The following DLG2 variants were observed in gnomAD, a reference collection of about 807,000 sequenced individuals.
DLG2 encodes the protein discs large MAGUK scaffold protein 2, also known as disks large homolog 2.
DLG2 carries 45 observed loss-of-function variants against 132.5 expected under a neutral mutation model. The ratio of observed to expected loss-of-function variants is 0.34; its 90% CI spans 0.27 to 0.44. The LOEUF (loss-of-function observed/expected upper bound fraction) is 0.44, where lower values mean the gene tolerates loss of function less well. Ranked by LOEUF, DLG2 falls within the 20% of genes least tolerant of loss-of-function variation. The pLI is 1.00. For missense variants in DLG2, 1,045 were observed against 1,196.9 expected (o/e 0.87, Z 1.87); for synonymous variants, 424 against 419.6 (o/e 1.01, Z -0.13).
chr11:84,060,514 C>G (rs1012523939), intron 10 of DLG2, among the ~76,000 whole-genome samples: 1 of 141,326 alleles, frequency 7.1e-6, no homozygotes, highest in Admixed American at 7.6e-5. Context: ...AGAACCACAA[C>G]AAATTCTACA....
At chr11:84,313,680 A>AGAAAGAAAGAAG (rs2098325243) in intron 7 of DLG2, among the ~76,000 whole-genome samples, 2 of 151,680 alleles carry the variant, frequency 1.3e-5, no homozygotes, top group Non-Finnish European at 2.9e-5. Context: ...AAAGAAAGAA[A>AGAAAGAAAGAAG]GAAAGAAAAA....
At position 84,151,559 on chromosome 11, in the gene DLG2, C is replaced by G. The variant is rs184702905; in HGVS notation, c.624+11902G>C. Among the ~76,000 whole-genome samples the G allele has an allele frequency of 2.6e-5, 4 of 152,040 alleles. No individual in the cohort carries two copies. In the East Asian group the frequency reaches 7.7e-4, roughly 29 times the overall value. On this transcript the variant is annotated intron_variant, in intron 9 of 27. Coordinates refer to ENST00000376104, the MANE Select transcript of DLG2 (RefSeq NM_001142699.3). Reference sequence around the variant, plus strand: ...CATCTTGATTTTATTCACTTCTGCTCTGATTTCAGTTCTTTTCTTCTGCTA... The same window carrying G: ...CATCTTGATTTTATTCACTTCTGCTGTGATTTCAGTTCTTTTCTTCTGCTA...
chr11:84,937,309 G>T (rs534526031), intron 6 of DLG2, among the ~76,000 whole-genome samples: 1 of 149,442 alleles, frequency 6.7e-6, no homozygotes, highest in South Asian at 2.1e-4. Flanking sequence ...CATTAGTTAG[G>T]TTTTATCATA....
chr11:84,760,930 T>C (rs551906576), intron 6 of DLG2, among the ~76,000 whole-genome samples: 139 of 152,190 alleles, frequency 9.1e-4, no homozygotes, highest in Non-Finnish European at 1.8e-3. Flanking sequence ...CCCATCCATC[T>C]CGCTGAGAGC....
At chr11:85,612,022 G>A (rs1257764575) in intron 2 of DLG2, among the ~76,000 whole-genome samples, 1 of 152,142 alleles carries the variant, frequency 6.6e-6, no homozygotes, top group African/African-American at 2.4e-5. Flanking sequence ...AAGTCAAAGA[G>A]AGAAGGAAAG....
intron 20 of DLG2, among the ~76,000 whole-genome samples, chr11:83,537,569 T>C (rs1015151734): frequency 8.6e-5 from 13 of 151,728 alleles, no homozygotes; most frequent in Non-Finnish European, 1.6e-4. Context: ...AATCCCAGCA[T>C]TTTGGGAGGC....
intron 6 of DLG2, among the ~76,000 whole-genome samples, chr11:84,703,581 A>G (rs2059426488): frequency 6.6e-6 from 1 of 151,438 alleles, no homozygotes; most frequent in Non-Finnish European, 1.5e-5. Context: ...AATGCCCCAC[A>G]CTAAACTATA....
At chr11:83,806,470 G>A (rs180809553) in intron 17 of DLG2, among the ~76,000 whole-genome samples, 2 of 152,102 alleles carry the variant, frequency 1.3e-5, no homozygotes, top group Admixed American at 1.3e-4. Flanking sequence ...GTGAATATAT[G>A]TGAGTGGAAA....
chr11:85,204,066 C>T (rs983592717), intron 4 of DLG2, among the ~76,000 whole-genome samples: 9 of 151,938 alleles, frequency 5.9e-5, no homozygotes, highest in East Asian at 3.9e-4. Context: ...TATGACAAAC[C>T]GACAGCTAAC....
chr11:84,099,308 T>C (rs1229037849), intron 9 of DLG2, among the ~76,000 whole-genome samples: 3 of 152,232 alleles, frequency 2.0e-5, no homozygotes, highest in African/African-American at 7.2e-5. Flanking sequence ...AAATCACATT[T>C]ATGAAGCAGG....
intron 7 of DLG2, among the ~76,000 whole-genome samples, chr11:84,329,253 A>C (rs999704524): frequency 1.3e-5 from 2 of 152,182 alleles, no homozygotes; most frequent in Admixed American, 6.5e-5. Context: ...AAATACTTGA[A>C]TTGAACTTGG....
At chr11:84,043,141 T>G (rs1011641720) in intron 11 of DLG2, among the ~76,000 whole-genome samples, 1 of 151,490 alleles carries the variant, frequency 6.6e-6, no homozygotes, top group Non-Finnish European at 1.5e-5. Flanking sequence ...TTAAGCAATT[T>G]ATTAATTAAT....
At chr11:84,628,919 C>T (rs190612531) in intron 6 of DLG2, among the ~76,000 whole-genome samples, 14 of 152,134 alleles carry the variant, frequency 9.2e-5, no homozygotes, top group Non-Finnish European at 1.3e-4. Flanking sequence ...TGGCTGTGAC[C>T]GAGATTGAAA....
At chr11:84,818,344 A>G (rs2077294440) in intron 6 of DLG2, among the ~76,000 whole-genome samples, 1 of 151,990 alleles carries the variant, frequency 6.6e-6, no homozygotes, top group African/African-American at 2.4e-5. Flanking sequence ...AAGCTATAGG[A>G]AACTTTTTTG....
chr11:85,193,002 T>C (rs999356495), intron 4 of DLG2, among the ~76,000 whole-genome samples: 7 of 152,160 alleles, frequency 4.6e-5, no homozygotes, highest in Non-Finnish European at 7.4e-5. Context: ...TGGCTTTCAG[T>C]ATATTACCAT....
chr11:85,117,601 T>C (rs148424989), intron 5 of DLG2, among the ~76,000 whole-genome samples: 2,775 of 42,748 alleles, frequency 0.065, 49 homozygotes, highest in Admixed American at 0.14. Context: ...AACTAGTAAA[T>C]AGGTAAATAG....
chr11:85,257,719 T>C (rs1328070689), intron 4 of DLG2, among the ~76,000 whole-genome samples: 1 of 152,236 alleles, frequency 6.6e-6, no homozygotes, highest in African/African-American at 2.4e-5. Context: ...GATGTTATCC[T>C]ATGTAATACA....
intron 21 of DLG2, among the ~76,000 whole-genome samples, chr11:83,501,965 GATCTT>G (rs2094468475): frequency 1.3e-5 from 2 of 152,144 alleles, no homozygotes; most frequent in South Asian, 4.1e-4. Flanking sequence ...TAAGGAGGAG[GATCTT>G]ATCTTAAAAT....
At chr11:84,665,400 T>C (rs1157405150) in intron 6 of DLG2, among the ~76,000 whole-genome samples, 2 of 152,260 alleles carry the variant, frequency 1.3e-5, no homozygotes, top group East Asian at 1.9e-4. Flanking sequence ...AGACTCTGGC[T>C]TCAGAGGCTA....
Sources: allele counts gnomAD v4.1 joint callset (sites outside exome capture counted in the v4.1 genomes callset), GRCh38; gene constraint gnomAD v4.1.1; transcripts MANE v1.5; gene names NCBI Gene and HGNC (gene_info 2026-07-23, HGNC 2026-07-21).